Variants in ITGB5 observed in about 807,000 individuals in gnomAD.
ITGB5 encodes integrin subunit beta 5, also known as integrin beta-5.
ITGB5 carries 38 observed loss-of-function variants against 84.8 expected under a neutral mutation model. That is an observed-to-expected ratio of 0.45 (90% confidence interval 0.35 to 0.59). ITGB5 has a LOEUF of 0.59. ITGB5 is among the 20% of genes least tolerant of loss of function. The pLI is 0.01. For missense variants in ITGB5, 905 were observed against 1,034.5 expected (o/e 0.87, Z 1.72); for synonymous variants, 393 against 414.4 (o/e 0.95, Z 0.63).
At chr3:124,876,736 C>T (rs1390646540) in intron 1 of ITGB5, among the ~76,000 whole-genome samples, 2 of 152,176 alleles carry the variant, frequency 1.3e-5, no homozygotes, top group South Asian at 2.1e-4. Flanking sequence ...TTATCTACCT[C>T]ACCCAGGGAG....
At chr3:124,829,696 C>G (rs1305580997) in intron 5 of ITGB5, among the ~76,000 whole-genome samples, 1 of 152,212 alleles carries the variant, frequency 6.6e-6, no homozygotes, top group African/African-American at 2.4e-5. Flanking sequence ...GTGCTCCTCC[C>G]TCCTTGAGGA....
intron 6 of ITGB5, 59 bp downstream of exon 6, chr3:124,821,254 C>G: frequency 6.4e-7 from 1 of 1,550,668 alleles, no homozygotes; most frequent in African/African-American, 1.4e-5. Context: ...AGTACTAAGA[C>G]CACGGGCAGG....
intron 1 of ITGB5, among the ~76,000 whole-genome samples, chr3:124,880,028 A>G (rs1934499846): frequency 6.6e-6 from 1 of 152,240 alleles, no homozygotes; most frequent in Non-Finnish European, 1.5e-5. Context: ...GATTACCTCT[A>G]TGTTCTTCTT....
chr3:124,865,476 T>TTTTTA (rs2065373083), intron 2 of ITGB5, among the ~76,000 whole-genome samples: 2 of 84,176 alleles, frequency 2.4e-5, no homozygotes, highest in South Asian at 4.1e-4. Context: ...CTTTGCGGCT[T>TTTTTA]TTTTCTTTTT....
chr3:124,812,151 G>T (rs2064514066), intron 8 of ITGB5, among the ~76,000 whole-genome samples: 1 of 152,080 alleles, frequency 6.6e-6, no homozygotes. Context: ...CACACATTAG[G>T]CTGTTGGTAT....
At chr3:124,813,692 C>T (rs1579238148) in intron 8 of ITGB5, among the ~76,000 whole-genome samples, 1 of 152,302 alleles carries the variant, frequency 6.6e-6, no homozygotes, top group East Asian at 1.9e-4. Flanking sequence ...CAGAACTTCC[C>T]TGTCCTCTCT....
At chr3:124,841,360 A>G in intron 5 of ITGB5, 23 bp downstream of exon 5, 1 of 1,609,838 alleles carries the variant, frequency 6.2e-7, no homozygotes, top group Non-Finnish European at 8.5e-7. Flanking sequence ...CCATGCAGGG[A>G]CAGGACCAGA....
chr3:124,790,883 C>T (rs2064140764), intron 10 of ITGB5, among the ~76,000 whole-genome samples: 1 of 152,104 alleles, frequency 6.6e-6, no homozygotes, highest in Admixed American at 6.5e-5. Flanking sequence ...ACCAAAAGGG[C>T]TGTGTTCAAA....
chr3:124,783,779 C>T (rs1053810937), intron 10 of ITGB5, among the ~76,000 whole-genome samples: 1 of 152,210 alleles, frequency 6.6e-6, no homozygotes, highest in African/African-American at 2.4e-5. Flanking sequence ...TGGTTGTGGT[C>T]ACACTGAAAT....
chr3:124,895,999 G>A (rs574750245), intron 1 of ITGB5, among the ~76,000 whole-genome samples: 47 of 152,164 alleles, frequency 3.1e-4, no homozygotes, highest in Non-Finnish European at 6.0e-4. Flanking sequence ...AATGTGTTCC[G>A]CACTTGGCAG....
chr3:124,864,489 T>C (rs1285784108), intron 2 of ITGB5, among the ~76,000 whole-genome samples: 1 of 152,148 alleles, frequency 6.6e-6, no homozygotes, highest in African/African-American at 2.4e-5. Context: ...GGCAGACTGA[T>C]GTTTAAGAAA....
At chr3:124,871,847 A>T (rs1383047846) in intron 2 of ITGB5, among the ~76,000 whole-genome samples, 4 of 145,940 alleles carry the variant, frequency 2.7e-5, no homozygotes, top group Non-Finnish European at 4.6e-5. Context: ...ATAAAAATAA[A>T]AATAAATAAT....
intron 1 of ITGB5, among the ~76,000 whole-genome samples, chr3:124,880,109 A>G (rs1489508049): frequency 6.6e-6 from 1 of 152,232 alleles, no homozygotes; most frequent in African/African-American, 2.4e-5. Context: ...GATCTACAAA[A>G]TATCTGACCA....
chr3:124,877,820 C>A (rs1311506550), intron 1 of ITGB5, among the ~76,000 whole-genome samples: 1 of 151,328 alleles, frequency 6.6e-6, no homozygotes, highest in Non-Finnish European at 1.5e-5. Context: ...AGGTCAAAGG[C>A]CTCACGTAGG....
At chr3:124,876,743 G>C (rs937099632) in intron 1 of ITGB5, among the ~76,000 whole-genome samples, 5 of 152,108 alleles carry the variant, frequency 3.3e-5, no homozygotes, top group Non-Finnish European at 7.4e-5. Context: ...CCTCACCCAG[G>C]GAGGCCTACA....
chr3:124,840,101 G>A (rs1052197594), intron 5 of ITGB5, among the ~76,000 whole-genome samples: 2 of 152,214 alleles, frequency 1.3e-5, no homozygotes, highest in African/African-American at 4.8e-5. Context: ...CAAGGATTGA[G>A]TGGAGAGGAA....
chr3:124,874,306 G>GAAAAAAAAAAAAAAAAAAAAAAA (rs59287818), intron 1 of ITGB5, among the ~76,000 whole-genome samples: 1 of 113,392 alleles, frequency 8.8e-6, no homozygotes. Context: ...TCAAAAGCCG[G>GAAAAAAAAAAAAAAAAAAAAAAA]AAAAAAAAAA....
At chr3:124,806,129 G>A (rs966393635) in intron 9 of ITGB5, among the ~76,000 whole-genome samples, 2 of 152,016 alleles carry the variant, frequency 1.3e-5, no homozygotes, top group African/African-American at 2.4e-5. Context: ...CTACAAATCC[G>A]CATGACTGTG....
intron 2 of ITGB5, among the ~76,000 whole-genome samples, chr3:124,868,426 G>A (rs577854631): frequency 6.6e-6 from 1 of 151,882 alleles, no homozygotes; most frequent in South Asian, 2.1e-4. Flanking sequence ...AGAGTCTGGC[G>A]ACTCTGGATA....
Sources: allele counts gnomAD v4.1 joint callset (sites outside exome capture counted in the v4.1 genomes callset), GRCh38; gene constraint gnomAD v4.1.1; transcripts MANE v1.5; gene names NCBI Gene and HGNC (gene_info 2026-07-23, HGNC 2026-07-21).